Variants in MROH1 observed in about 807,000 individuals in gnomAD.
MROH1 encodes maestro heat like repeat family member 1.
In MROH1, 117 loss-of-function variants were observed where a neutral mutation model predicts 116.5. The ratio of observed to expected loss-of-function variants is 1.00; its 90% CI spans 0.86 to 1.17. The LOEUF is 1.17. Ranked by LOEUF, MROH1 falls within the 50% of genes most tolerant of loss-of-function variation. The pLI, the probability that MROH1 is intolerant of heterozygous loss-of-function variation, is 0.00. For synonymous variants in MROH1, 921 were observed against 583.9 expected (o/e 1.58, Z -8.32); for missense variants, 1,873 against 1,338.5 (o/e 1.40, Z -6.23).
At chr8:144,193,532 C>T (rs528237739) in intron 10 of MROH1, among the ~76,000 whole-genome samples, 6 of 152,322 alleles carry the variant, frequency 3.9e-5, no homozygotes, top group East Asian at 1.9e-4. Context: ...TGAGCATAGA[C>T]GTGAGGTTTT....
intron 14 of MROH1, among the ~76,000 whole-genome samples, chr8:144,224,484 T>C (rs558606114): frequency 1.3e-5 from 2 of 152,144 alleles, no homozygotes; most frequent in African/African-American, 4.8e-5. Flanking sequence ...CAGGTTGCTT[T>C]CGAACTCTTG....
chr8:144,151,255 A>C (rs1215200155), intron 1 of MROH1, among the ~76,000 whole-genome samples: 13 of 150,202 alleles, frequency 8.7e-5, no homozygotes, highest in Non-Finnish European at 1.0e-4. Flanking sequence ...CTCAAAAAAA[A>C]AAAAAAAAAA....
Position 144,220,587 on chromosome 8 carries a change from T to A in MROH1, c.1142-13T>A. 6.4e-7 allele frequency: 1 copy of A among 1,564,528 alleles called. No homozygotes were observed. The highest frequency in any genetic ancestry group is 2.4e-5 in the East Asian group (1 of 42,258). ...TCAGTGGTAGGCTGAGCTGTCCTGT[T>A]TGTTTCTTGCAGCTGCTCAGATGGA... On this transcript the variant is annotated splice_polypyrimidine_tract_variant and intron_variant, in intron 12 of 43. Transcript: ENST00000326134.
chr8:144,174,497 A>T (rs6558312), intron 4 of MROH1, among the ~76,000 whole-genome samples: 144,654 of 147,862 alleles, frequency 0.98, 70,747 homozygotes, highest in South Asian at 1. Flanking sequence ...TTTTTTTTTT[A>T]AATTCAGGGA....
In MROH1 at chr8:144,260,362, T is replaced by G. The variant is rs1844790636; in HGVS notation, c.4368T>G (p.Pro1456=). 1.4e-6 allele frequency: 1 copy of G among 722,336 alleles called. No individual in the cohort carries two copies. The highest frequency in any genetic ancestry group is 1.9e-5 in the Admixed American group (1 of 51,806). 44.7% of individuals were successfully genotyped at this position (722,336 alleles called of 1,614,324 possible). A position where few individuals can be genotyped will look rare whatever the true frequency, so the allele number is the denominator to read the frequency against. ...TGCACGTGGCCATCCGCATCCGGCC[T>G]TTCTTCGACAGTGTAGGCTGGTTGG... ...GLLHVAIRIR[P]FFDSEKMEFR... Residue 1456 remains proline (P), a synonymous_variant, in exon 39 of 44, where the codon CCT becomes CCG. Transcript: ENST00000326134.
chr8:144,173,896 G>T (rs1426536907), intron 4 of MROH1, among the ~76,000 whole-genome samples: 2 of 152,164 alleles, frequency 1.3e-5, no homozygotes, highest in East Asian at 3.9e-4. Flanking sequence ...GACATTGAAG[G>T]GTGAGGAGGG....
chr8:144,190,944 C>T lies in MROH1; in HGVS notation c.714+9C>T, dbSNP rs758998874. ...AGAGTCGAGAAGCCAAGGTATGCCCCGTGGCTGCATCAGTCCACGCCTGAT... is the reference window on the plus strand; with the variant it reads ...AGAGTCGAGAAGCCAAGGTATGCCCTGTGGCTGCATCAGTCCACGCCTGAT... On this transcript the variant is annotated intron_variant, in intron 8 of 43. Transcript: ENST00000326134. 17 of 1,611,826 alleles carry T rather than the reference C, an allele frequency of 1.1e-5. No homozygotes were observed. The highest frequency in any genetic ancestry group is 4.5e-5 in the East Asian group (2 of 44,842).
At chr8:144,200,851 G>A in intron 12 of MROH1, 1 of 348,586 alleles carries the variant, frequency 2.9e-6, no homozygotes, top group South Asian at 3.6e-5. Flanking sequence ...CCATCCCTGA[G>A]CCCACTGCTC....
chr8:144,261,780 A>C lies in MROH1; in HGVS notation c.*40A>C, dbSNP rs1286228431. The stretch of plus-strand genomic sequence containing the variant: ...CCCCCAGCGAGGAGTATGCACCCAG[A>C]CCTGTGCCTGAGCTCCAAGACAGGG... On this transcript the variant is annotated 3_prime_UTR_variant, in exon 44 of 44. Coordinates refer to ENST00000326134, the MANE Select transcript of MROH1 (RefSeq NM_032450.3). The C allele has an allele frequency of 2.8e-6, 2 of 701,858 alleles. No homozygotes were observed. Among genetic ancestry groups the C allele is most frequent in the Non-Finnish European group, 5.2e-6 (2 of 385,042 alleles). 43.5% of individuals were successfully genotyped at this position (701,858 alleles called of 1,614,324 possible). A position where few individuals can be genotyped will look rare whatever the true frequency, so the allele number is the denominator to read the frequency against.
At chr8:144,233,672 A>C (rs1443202329) in intron 14 of MROH1, among the ~76,000 whole-genome samples, 4 of 152,360 alleles carry the variant, frequency 2.6e-5, no homozygotes, top group African/African-American at 9.6e-5. Context: ...TGGCGCTGCC[A>C]GAATTTCACT....
chr8:144,179,825 G>A lies in MROH1; in HGVS notation c.300+239G>A, dbSNP rs570096317. Among the ~76,000 whole-genome samples, 22 of 152,324 alleles carry A rather than the reference G, an allele frequency of 1.4e-4. No individual in the cohort carries two copies. The South Asian group carries it at 3.7e-3, about 26-fold the overall frequency. ...GCCAGAACTCAGCACACGCAGGACC[G>A]TGGTGTGCGTGCAGCTGGGGCCAAA... On this transcript the variant is annotated intron_variant, in intron 5 of 43. Coordinates refer to ENST00000326134, the MANE Select transcript of MROH1 (RefSeq NM_032450.3).
In MROH1 at chr8:144,220,023, G is replaced by C. The variant is rs564027476; in HGVS notation, c.1142-577G>C. ...GTCCTGTCCTGTGCAGTGGACCTCA[G>C]AGGGCACTTGCACTGTCCCCAGTGT... On this transcript the variant is annotated intron_variant, in intron 12 of 43. Coordinates refer to ENST00000326134, the MANE Select transcript of MROH1 (RefSeq NM_032450.3). Among the ~76,000 whole-genome samples the C allele has an allele frequency of 2.0e-5, 3 of 152,324 alleles. No homozygotes were observed. In the East Asian group the frequency reaches 5.8e-4, roughly 29 times the overall value.
In MROH1 at chr8:144,180,176, A is replaced by G. The variant is rs1441719132; in HGVS notation, c.301-2A>G. On this transcript the variant is annotated splice_acceptor_variant, in intron 5 of 43. Coordinates refer to ENST00000326134, the MANE Select transcript of MROH1 (RefSeq NM_032450.3). LOFTEE classifies it high-confidence loss of function. The surrounding 1 kb of genome is among the most constrained non-coding windows in gnomAD (Gnocchi z 7.4). ...GTCTACCTGCCGGTGTTTTGGGTTC[A>G]GGACCTGGTCTGGGACTGGCAGCAG... 1.2e-6 allele frequency: 2 copies of G among 1,613,684 alleles called. No individual in the cohort carries two copies. Among genetic ancestry groups the G allele is most frequent in the Non-Finnish European group, 1.7e-6 (2 of 1,179,782 alleles).
At chr8:144,189,481 C>G (rs1031396725) in intron 7 of MROH1, among the ~76,000 whole-genome samples, 1 of 152,212 alleles carries the variant, frequency 6.6e-6, no homozygotes, top group African/African-American at 2.4e-5. Context: ...GCTCCAGGCC[C>G]TACAGCCAGT....
chr8:144,232,056 C>A (rs575853037), intron 14 of MROH1, among the ~76,000 whole-genome samples: 5 of 152,150 alleles, frequency 3.3e-5, no homozygotes, highest in Admixed American at 2.0e-4. Flanking sequence ...TCCTTTCTAG[C>A]GATTTGGAAA....
intron 12 of MROH1, among the ~76,000 whole-genome samples, chr8:144,204,951 G>A (rs942517299): frequency 2.6e-5 from 4 of 152,172 alleles, no homozygotes; most frequent in African/African-American, 9.7e-5. Context: ...TTTTTCCAAA[G>A]TAGCTGTTTA....
chr8:144,235,197 A>G (rs1319358192), intron 14 of MROH1, among the ~76,000 whole-genome samples: 4 of 152,174 alleles, frequency 2.6e-5, no homozygotes, highest in Non-Finnish European at 5.9e-5. Flanking sequence ...TGCCTGGCCT[A>G]CAATTATTCT....
intron 12 of MROH1, among the ~76,000 whole-genome samples, chr8:144,210,394 C>G (rs1167753025): frequency 6.7e-6 from 1 of 149,076 alleles, no homozygotes; most frequent in Non-Finnish European, 1.5e-5. Flanking sequence ...GCCGAGATTA[C>G]GCCACTGCAT....
intron 10 of MROH1, chr8:144,192,933 G>T (rs552809831): frequency 3.5e-6 from 1 of 286,826 alleles, no homozygotes; most frequent in African/African-American, 2.3e-5. Flanking sequence ...GGCACTGGGG[G>T]TCATCTGTCC....
Sources: allele counts gnomAD v4.1 joint callset (sites outside exome capture counted in the v4.1 genomes callset), GRCh38; gene constraint gnomAD v4.1.1; non-coding constraint Gnocchi (gnomAD v3.1); transcripts MANE v1.5; gene names NCBI Gene and HGNC (gene_info 2026-07-23, HGNC 2026-07-21).